The following PCSK2 variants were observed in gnomAD, a reference collection of about 807,000 sequenced individuals.
PCSK2 encodes the protein neuroendocrine convertase 2.
PCSK2 carries 14 observed loss-of-function variants against 69.7 expected under a neutral mutation model. That is an observed-to-expected ratio of 0.20 (90% CI 0.13 to 0.31). The LOEUF is 0.31. PCSK2 is among the 10% of genes least tolerant of loss of function. The pLI is 1.00. For missense variants in PCSK2, 544 were observed against 842.5 expected, an observed-to-expected ratio of 0.65 and a Z score of 4.39; for synonymous variants, 307 against 320.7, an observed-to-expected ratio of 0.96 and a Z score of 0.46.
At chr20:17,412,162 G>C (rs2123308314) in intron 6 of PCSK2, among the ~76,000 whole-genome samples, 1 of 152,314 alleles carries the variant, frequency 6.6e-6, no homozygotes, top group East Asian at 1.9e-4. Context: ...ACAGAACAAA[G>C]CTGGATGGAA....
At chr20:17,263,179 T>G (rs1476325505) in intron 2 of PCSK2, 2 of 967,322 alleles carry the variant, frequency 2.1e-6, no homozygotes, top group African/African-American at 3.5e-5. Context: ...TTTTTTTGAC[T>G]TCAGACCAGA....
At chr20:17,286,900 G>A (rs960638129) in intron 2 of PCSK2, among the ~76,000 whole-genome samples, 2 of 152,158 alleles carry the variant, frequency 1.3e-5, no homozygotes, top group African/African-American at 4.8e-5. Context: ...TGTAAAGAGA[G>A]ATATTTATTT....
At chr20:17,433,817 C>A (rs1481309872) in intron 7 of PCSK2, among the ~76,000 whole-genome samples, 4 of 116,194 alleles carry the variant, frequency 3.4e-5, no homozygotes, top group Admixed American at 3.3e-4. Flanking sequence ...CTCTCTCCCC[C>A]CACTTCCTTC....
intron 11 of PCSK2, among the ~76,000 whole-genome samples, chr20:17,466,984 A>C (rs923752789): frequency 6.6e-6 from 1 of 152,208 alleles, no homozygotes; most frequent in African/African-American, 2.4e-5. Context: ...TTCTACCTTG[A>C]GAATACACCT....
intron 9 of PCSK2, among the ~76,000 whole-genome samples, chr20:17,454,524 T>A (rs1456086046): frequency 6.6e-6 from 1 of 152,222 alleles, no homozygotes; most frequent in African/African-American, 2.4e-5. Context: ...AGATTTATTG[T>A]TTGTTGCTCT....
Position 17,465,308 on chromosome 20 carries a change from T to C in PCSK2, c.1203-18T>C. ...GCCTTTTGCCCTTGCCCTCTTGCTC[T>C]CTGCTTCCTGTATCCAGCCTGGGTC... is the stretch of plus-strand genomic sequence containing the variant. On this transcript the variant is annotated intron_variant, in intron 10 of 11. Coordinates refer to ENST00000262545, the MANE Select transcript of PCSK2 (RefSeq NM_002594.5). 1.2e-6 allele frequency: 2 copies of C among 1,604,502 alleles called. No homozygotes were observed. The highest frequency in any genetic ancestry group is 1.7e-6 in the Non-Finnish European group (2 of 1,171,832).
intron 6 of PCSK2, among the ~76,000 whole-genome samples, chr20:17,424,207 C>T (rs2032194694): frequency 6.6e-6 from 1 of 152,126 alleles, no homozygotes; most frequent in Non-Finnish European, 1.5e-5. Flanking sequence ...GACTACTACA[C>T]AGCACTAAAA....
intron 1 of PCSK2, among the ~76,000 whole-genome samples, chr20:17,241,076 A>G (rs914252211): frequency 6.6e-6 from 1 of 152,180 alleles, no homozygotes; most frequent in African/African-American, 2.4e-5. Context: ...CTCCATGTAA[A>G]CAAGTCCAGA....
intron 2 of PCSK2, among the ~76,000 whole-genome samples, chr20:17,303,489 ATATT>A (rs1989196485): frequency 1.7e-5 from 1 of 57,258 alleles, no homozygotes; most frequent in African/African-American, 6.5e-5. Flanking sequence ...AATATATATT[ATATT>A]TAATATAATA....
intron 11 of PCSK2, among the ~76,000 whole-genome samples, chr20:17,466,461 C>T (rs890688324): frequency 3.3e-5 from 5 of 152,068 alleles, no homozygotes; most frequent in East Asian, 3.9e-4. Flanking sequence ...CTTGATTTTC[C>T]GCTGAGTGAG....
intron 5 of PCSK2, among the ~76,000 whole-genome samples, chr20:17,404,936 T>C (rs1308476930): frequency 6.6e-6 from 1 of 152,242 alleles, no homozygotes; most frequent in Non-Finnish European, 1.5e-5. Flanking sequence ...TGTGGCTGTG[T>C]TCCGATACAA....
chr20:17,228,416 C>G (rs1311179563), intron 1 of PCSK2: 1 of 153,250 alleles, frequency 6.5e-6, no homozygotes, highest in Non-Finnish European at 1.4e-5. Context: ...CTGCGTGTCT[C>G]TCCTGCAAAA....
At chr20:17,437,604 G>C (rs1342474299) in intron 8 of PCSK2, among the ~76,000 whole-genome samples, 1 of 152,156 alleles carries the variant, frequency 6.6e-6, no homozygotes, top group Non-Finnish European at 1.5e-5. Flanking sequence ...TGATAATGAG[G>C]GGTCACTATG....
At chr20:17,441,009 G>A (rs1181305161) in intron 8 of PCSK2, among the ~76,000 whole-genome samples, 2 of 152,180 alleles carry the variant, frequency 1.3e-5, no homozygotes, top group African/African-American at 4.8e-5. Flanking sequence ...AGCCACAGGA[G>A]GGCTCTGCGG....
intron 6 of PCSK2, among the ~76,000 whole-genome samples, chr20:17,417,169 A>AT (rs1368794832): frequency 6.6e-6 from 1 of 152,244 alleles, no homozygotes; most frequent in African/African-American, 2.4e-5. Context: ...AACTTAAAGT[A>AT]TAAAAAAAAG....
intron 2 of PCSK2, among the ~76,000 whole-genome samples, chr20:17,278,070 A>G (rs1988159399): frequency 6.6e-6 from 1 of 152,204 alleles, no homozygotes; most frequent in Admixed American, 6.5e-5. Context: ...TCAGGAAACA[A>G]CAGGTGCTGG....
At chr20:17,309,092 G>A (rs530062446) in intron 2 of PCSK2, among the ~76,000 whole-genome samples, 7 of 152,226 alleles carry the variant, frequency 4.6e-5, no homozygotes, top group Admixed American at 6.5e-5. Flanking sequence ...GGCCATTTTC[G>A]CACAGTCCAC....
intron 8 of PCSK2, among the ~76,000 whole-genome samples, chr20:17,449,151 G>A (rs1334433955): frequency 1.3e-5 from 2 of 152,152 alleles, no homozygotes; most frequent in East Asian, 3.9e-4. Context: ...CCAGAGCACT[G>A]GGATTACAGG....
intron 6 of PCSK2, among the ~76,000 whole-genome samples, chr20:17,424,694 T>C (rs941008329): frequency 1.3e-5 from 2 of 152,270 alleles, no homozygotes; most frequent in African/African-American, 2.4e-5. Context: ...GGTTTCACCA[T>C]GTTGGTCAGG....
Sources: allele counts gnomAD v4.1 joint callset (sites outside exome capture counted in the v4.1 genomes callset), GRCh38; gene constraint gnomAD v4.1.1; transcripts MANE v1.5; gene names NCBI Gene and HGNC (gene_info 2026-07-23, HGNC 2026-07-21).